SRBD1: variants seen among roughly 807,000 people sequenced by gnomAD.
SRBD1 encodes the protein S1 RNA binding domain 1.
Under a neutral mutation model 115.3 loss-of-function variants are expected in SRBD1, and 88 were observed. That is an observed-to-expected ratio of 0.76 (90% CI 0.64 to 0.91). The LOEUF (loss-of-function observed/expected upper bound fraction) is 0.91. Ranked by LOEUF, SRBD1 falls within the 40% of genes least tolerant of loss-of-function variation. The pLI, the probability that SRBD1 is intolerant of heterozygous loss-of-function variation, is 0.00. For missense variants in SRBD1, 1,385 were observed against 1,177.4 expected, an observed-to-expected ratio of 1.18 and a Z score of -2.58; for synonymous variants, 509 against 407.7, an observed-to-expected ratio of 1.25 and a Z score of -2.99.
chr2:45,393,169 T>C (rs1328597611), intron 19 of SRBD1, 40 bp from the exon 20 acceptor site: 1 of 1,548,830 alleles, frequency 6.5e-7, no homozygotes, highest in Middle Eastern at 2.0e-4. Flanking sequence ...CTTAACAATA[T>C]TACTCCTTTT....
intron 14 of SRBD1, among the ~76,000 whole-genome samples, chr2:45,528,129 A>G (rs1016858016): frequency 2.2e-4 from 34 of 152,052 alleles, no homozygotes; most frequent in African/African-American, 7.5e-4. Context: ...TGTTGATTAC[A>G]TAATTCTTTA....
intron 16 of SRBD1, among the ~76,000 whole-genome samples, chr2:45,430,196 TG>T (rs1668289113): frequency 6.6e-6 from 1 of 152,086 alleles, no homozygotes; most frequent in Non-Finnish European, 1.5e-5. Context: ...ATCAATATTG[TG>T]AAAATGGCCA....
At chr2:45,454,349 A>G (rs1418046749) in intron 16 of SRBD1, among the ~76,000 whole-genome samples, 2 of 151,836 alleles carry the variant, frequency 1.3e-5, no homozygotes, top group African/African-American at 2.4e-5. Context: ...ATCTTTCTAT[A>G]TATCACCTTA....
chr2:45,426,247 G>A (rs1433060448), intron 16 of SRBD1, among the ~76,000 whole-genome samples: 2 of 152,226 alleles, frequency 1.3e-5, no homozygotes, highest in Non-Finnish European at 2.9e-5. Context: ...GTTTGAACTA[G>A]ATGGAGCCCA....
chr2:45,536,311 C>A (rs1671760882), intron 14 of SRBD1, among the ~76,000 whole-genome samples: 2 of 151,354 alleles, frequency 1.3e-5, no homozygotes. Context: ...AAGAAAGGTT[C>A]CTTTCTTTTT....
chr2:45,566,950 C>T (rs751650659), intron 9 of SRBD1, among the ~76,000 whole-genome samples: 6 of 152,114 alleles, frequency 3.9e-5, no homozygotes, highest in Non-Finnish European at 7.4e-5. Context: ...AAACTAAGTT[C>T]TCCCTTTACA....
chr2:45,590,736 G>C (rs538209670), intron 4 of SRBD1, among the ~76,000 whole-genome samples: 63 of 152,260 alleles, frequency 4.1e-4, no homozygotes, highest in African/African-American at 1.2e-3. Flanking sequence ...CTCTTCCCTG[G>C]CCAGGTGCGG....
At chr2:45,405,385 A>C (rs1667402915) in intron 19 of SRBD1, among the ~76,000 whole-genome samples, 3 of 152,114 alleles carry the variant, frequency 2.0e-5, no homozygotes, top group Admixed American at 6.6e-5. Context: ...ATGGAGTTGT[A>C]AAAGGAGGGA....
intron 4 of SRBD1, among the ~76,000 whole-genome samples, chr2:45,597,398 C>G (rs546439071): frequency 6.8e-6 from 1 of 146,528 alleles, no homozygotes; most frequent in African/African-American, 2.5e-5. Context: ...TCAGCCTGGG[C>G]GACAGAGTGA....
chr2:45,442,618 C>G (rs1460125414), intron 16 of SRBD1, among the ~76,000 whole-genome samples: 2 of 152,158 alleles, frequency 1.3e-5, no homozygotes, highest in African/African-American at 4.8e-5. Context: ...AATGTTGGTC[C>G]TTAAAGAAAC....
intron 14 of SRBD1, among the ~76,000 whole-genome samples, chr2:45,513,644 A>G (rs1215505460): frequency 1.3e-5 from 2 of 152,142 alleles, no homozygotes; most frequent in Non-Finnish European, 2.9e-5. Flanking sequence ...AGGTCCCTTC[A>G]AGAAAATGAG....
chr2:45,484,680 T>A (rs1670062646), intron 15 of SRBD1, among the ~76,000 whole-genome samples: 1 of 152,188 alleles, frequency 6.6e-6, no homozygotes, highest in Admixed American at 6.6e-5. Flanking sequence ...CCATCTCCTA[T>A]CAAGTTCCAA....
At chr2:45,410,558 T>C (rs1667569227) in intron 19 of SRBD1, among the ~76,000 whole-genome samples, 1 of 152,188 alleles carries the variant, frequency 6.6e-6, no homozygotes, top group African/African-American at 2.4e-5. Flanking sequence ...ACCTTTGGAA[T>C]CTCCAGAGTG....
intron 16 of SRBD1, among the ~76,000 whole-genome samples, chr2:45,457,033 C>T (rs1669176937): frequency 6.6e-6 from 1 of 151,738 alleles, no homozygotes; most frequent in Non-Finnish European, 1.5e-5. Context: ...GGATAATAGA[C>T]CTGTATTTTT....
At chr2:45,461,806 T>C (rs1046044209) in intron 16 of SRBD1, among the ~76,000 whole-genome samples, 1 of 152,214 alleles carries the variant, frequency 6.6e-6, no homozygotes, top group African/African-American at 2.4e-5. Flanking sequence ...ATAGTTATCG[T>C]CATTCATTGA....
In SRBD1 at chr2:45,439,217, T is replaced by A. The variant is rs571954992; in HGVS notation, c.2050-19323A>T. ...CCAGCAGACCTACACTACAAAAAAA[T>A]TTTAAAGGGAATTTTGCAGACTAAA... On this transcript the variant is annotated intron_variant, in intron 16 of 20. Coordinates refer to ENST00000263736, the MANE Select transcript of SRBD1 (RefSeq NM_018079.5). 2.0e-5 allele frequency among the ~76,000 whole-genome samples: 3 copies of A among 152,020 alleles called. No individual in the cohort carries two copies. In the East Asian group the frequency reaches 5.8e-4, roughly 29 times the overall value.
chr2:45,500,966 C>G (rs1572707137), intron 14 of SRBD1, among the ~76,000 whole-genome samples: 1 of 152,160 alleles, frequency 6.6e-6, no homozygotes, highest in East Asian at 1.9e-4. Flanking sequence ...TGTTCTGTAT[C>G]TTAGTAGAAA....
rs1667039386 is a variant in SRBD1, at chr2:45,392,802, G to C, written c.2698+143C>G. 4.6e-6 allele frequency: 4 copies of C among 870,788 alleles called. No individual in the cohort carries two copies. In the African/African-American group the frequency reaches 5.1e-5, roughly 11 times the overall value. The allele number at this position is 870,788 out of a possible 1,614,324, so 53.9% of individuals were successfully genotyped here. A position where few individuals can be genotyped will look rare whatever the true frequency, so the allele number is the denominator to read the frequency against. On this transcript the variant is annotated intron_variant, in intron 20 of 20. Coordinates refer to ENST00000263736, the MANE Select transcript of SRBD1 (RefSeq NM_018079.5). ...ATTAATTATAATGACTTTGAAGGAA[G>C]ATCACCATGCTTTATTTTTCTCATG...
At chr2:45,579,036 C>T (rs1366634385) in intron 7 of SRBD1, among the ~76,000 whole-genome samples, 3 of 152,128 alleles carry the variant, frequency 2.0e-5, no homozygotes. Flanking sequence ...AGAGTAGAGA[C>T]CACCAAAACA....
Sources: gnomAD v4.1 joint callset for allele counts (sites outside exome capture counted in the v4.1 genomes callset) on GRCh38, gnomAD v4.1.1 for gene constraint, MANE v1.5 for transcripts, NCBI Gene and HGNC (gene_info 2026-07-23, HGNC 2026-07-21) for gene names.